TYW1B: variants seen among roughly 807,000 people sequenced by gnomAD.
TYW1B encodes the protein S-adenosyl-L-methionine-dependent tRNA 4-demethylwyosine synthase TYW1B.
In TYW1B, 73 loss-of-function variants were observed where a neutral mutation model predicts 86.9. That is an observed-to-expected ratio of 0.84 (90% confidence interval 0.70 to 1.02). TYW1B has a LOEUF of 1.02. Ranked by LOEUF, TYW1B falls within the 50% of genes least tolerant of loss-of-function variation. The pLI, the probability that TYW1B is intolerant of heterozygous loss-of-function variation, is 0.00. For synonymous variants in TYW1B, 248 were observed against 292.8 expected (o/e 0.85, Z 1.56); for missense variants, 637 against 827.4 (o/e 0.77, Z 2.82).
chr7:72,651,869 A>G (rs1813067839), intron 11 of TYW1B, among the ~76,000 whole-genome samples: 1 of 152,208 alleles, frequency 6.6e-6, no homozygotes, highest in African/African-American at 2.4e-5. Flanking sequence ...CACATGTAAT[A>G]AAAATATTCA....
chr7:72,772,303 A>G (rs1450808313), intron 7 of TYW1B, among the ~76,000 whole-genome samples: 2 of 152,184 alleles, frequency 1.3e-5, no homozygotes, highest in African/African-American at 4.8e-5. Context: ...TGCACTCATC[A>G]ACTACAGAAT....
intron 13 of TYW1B, among the ~76,000 whole-genome samples, chr7:72,609,285 A>C (rs549917555): frequency 6.6e-6 from 1 of 152,248 alleles, no homozygotes; most frequent in Admixed American, 6.5e-5. Context: ...GAGGCTGGGC[A>C]CGGTGGCTCA....
At chr7:72,799,625 C>T (rs1788370580) in intron 6 of TYW1B, among the ~76,000 whole-genome samples, 1 of 152,050 alleles carries the variant, frequency 6.6e-6, no homozygotes, top group Non-Finnish European at 1.5e-5. Context: ...ACCACCACAC[C>T]TGGCTAATTT....
At chr7:72,827,263 C>T (rs1314423670) in intron 1 of TYW1B, among the ~76,000 whole-genome samples, 5 of 152,114 alleles carry the variant, frequency 3.3e-5, no homozygotes, top group African/African-American at 9.7e-5. Context: ...CAAAAATTAG[C>T]CGGGCATGGT....
intron 11 of TYW1B, among the ~76,000 whole-genome samples, chr7:72,658,121 G>C (rs1813247788): frequency 6.6e-6 from 1 of 152,142 alleles, no homozygotes. Context: ...AGCCAGGTGT[G>C]GTGGCGGGCG....
At chr7:72,701,058 C>T (rs1554452447) in intron 10 of TYW1B, among the ~76,000 whole-genome samples, 1 of 149,886 alleles carries the variant, frequency 6.7e-6, no homozygotes, top group African/African-American at 2.5e-5. Flanking sequence ...AGCAAGATTC[C>T]ATCTCAGAAA....
At chr7:72,768,047 C>T (rs1342276207) in intron 7 of TYW1B, among the ~76,000 whole-genome samples, 4 of 152,006 alleles carry the variant, frequency 2.6e-5, no homozygotes, top group Admixed American at 2.0e-4. Flanking sequence ...TCCAAGAGTT[C>T]AAAACCAGCA....
chr7:72,718,434 A>G (rs1270240866), intron 9 of TYW1B, among the ~76,000 whole-genome samples: 1 of 152,184 alleles, frequency 6.6e-6, no homozygotes, highest in African/African-American at 2.4e-5. Flanking sequence ...ACCGATGTAA[A>G]TAACATGCAC....
Position 72,575,504 on chromosome 7 carries a change from T to C in TYW1B, c.2001A>G (p.Gly667=), listed in dbSNP as rs782044293. 8.7e-6 allele frequency: 14 copies of C among 1,607,508 alleles called. No homozygotes were observed. The highest frequency in any genetic ancestry group is 1.7e-4 in the Middle Eastern group (1 of 6,000). The change falls in exon 14 of 14, where the codon GGA becomes GGG. Residue 667 remains glycine (G), a synonymous_variant. Coordinates refer to ENST00000620995, the MANE Select transcript of TYW1B (RefSeq NM_001145440.3). ...ACCTTGAAATCAGATAATCTCAACATCCAGAAATAGCCTTTGATTTGTTCT... is the reference window on the plus strand; with the variant it reads ...ACCTTGAAATCAGATAATCTCAACACCCAGAAATAGCCTTTGATTTGTTCT... ...QRKNKSKAIS[G]C
intron 7 of TYW1B, among the ~76,000 whole-genome samples, chr7:72,770,953 C>CTTTTTTTTTTTT (rs202136569): frequency 1.1e-5 from 1 of 87,482 alleles, no homozygotes; most frequent in African/African-American, 4.5e-5. Flanking sequence ...TATGAATTTC[C>CTTTTTTTTTTTT]TTTTTTTTTT....
At chr7:72,760,609 G>C (rs1323159508) in intron 7 of TYW1B, among the ~76,000 whole-genome samples, 1 of 152,156 alleles carries the variant, frequency 6.6e-6, no homozygotes, top group Non-Finnish European at 1.5e-5. Context: ...AAAGAGAAAG[G>C]AGTGCTCACA....
At chr7:72,655,566 G>A (rs1813181624) in intron 11 of TYW1B, among the ~76,000 whole-genome samples, 1 of 152,080 alleles carries the variant, frequency 6.6e-6, no homozygotes, top group African/African-American at 2.4e-5. Context: ...GATGTGGCCA[G>A]GTCCCCAGCA....
In TYW1B at chr7:72,774,062, C is replaced by CAAA. The variant is rs35480783; in HGVS notation, c.964+3351_964+3353dup. On this transcript the variant is annotated intron_variant, in intron 7 of 13. Coordinates refer to ENST00000620995, the MANE Select transcript of TYW1B (RefSeq NM_001145440.3). ...GGGCAACAAGAGTGAAACTCCATCT[C>CAAA]AAAAAAAAAAAAAAAAAAAGAAACA... Among the ~76,000 whole-genome samples the CAAA allele has an allele frequency of 5.5e-5, 3 of 54,812 alleles. 1 individual carries two copies. Among genetic ancestry groups the CAAA allele is most frequent in the Non-Finnish European group, 1.3e-4 (3 of 23,160 alleles). The allele number at this position is 54,812 out of a possible 152,430, so 36.0% of individuals were successfully genotyped here. A position where few individuals can be genotyped will look rare whatever the true frequency, so the allele number is the denominator to read the frequency against.
intron 8 of TYW1B, among the ~76,000 whole-genome samples, chr7:72,740,724 T>C (rs1427859306): frequency 2.8e-5 from 4 of 141,176 alleles, no homozygotes; most frequent in African/African-American, 7.7e-5. Flanking sequence ...AATCAAAATA[T>C]GCAGTTTTCT....
Position 72,713,749 on chromosome 7 carries a change from C to T in TYW1B, c.1242G>A (p.Lys414=), listed in dbSNP as rs1786723752. 2 of 1,607,630 alleles carry T rather than the reference C, an allele frequency of 1.2e-6. No individual in the cohort carries two copies. The highest frequency in any genetic ancestry group is 1.3e-5 in the African/African-American group (1 of 74,658). The stretch of plus-strand genomic sequence containing the variant: ...CTCCCACGAGGGACAATGCACAGTG[C>T]TTTACCGTCATTCCTTCTTCAAAGC... ...AERFEEGMTV[K]HCALSLVGEP... Residue 414 remains lysine (K), a synonymous_variant, in exon 10 of 14, where the codon AAG becomes AAA. Transcript: ENST00000620995.
chr7:72,641,695 T>C (rs1397671933), intron 11 of TYW1B, among the ~76,000 whole-genome samples: 6 of 152,150 alleles, frequency 3.9e-5, no homozygotes, highest in African/African-American at 7.2e-5. Flanking sequence ...AGGATTTATG[T>C]TGGAGTAATA....
chr7:72,606,834 C>T (rs1326326221), intron 13 of TYW1B, among the ~76,000 whole-genome samples: 1 of 152,148 alleles, frequency 6.6e-6, no homozygotes, highest in Non-Finnish European at 1.5e-5. Flanking sequence ...AACACCCTCT[C>T]ATGCCATCCC....
intron 8 of TYW1B, among the ~76,000 whole-genome samples, chr7:72,729,226 T>C (rs1395480063): frequency 6.6e-6 from 1 of 152,202 alleles, no homozygotes; most frequent in Non-Finnish European, 1.5e-5. Context: ...TAACTATGAA[T>C]GTACACAAAC....
chr7:72,579,278 T>C (rs1373201239), intron 13 of TYW1B, among the ~76,000 whole-genome samples: 1 of 152,198 alleles, frequency 6.6e-6, no homozygotes, highest in Non-Finnish European at 1.5e-5. Flanking sequence ...TCTAAAACTC[T>C]GCTCTGCTTT....
Sources: gnomAD v4.1 joint callset for allele counts (sites outside exome capture counted in the v4.1 genomes callset) on GRCh38, gnomAD v4.1.1 for gene constraint, MANE v1.5 for transcripts, NCBI Gene and HGNC (gene_info 2026-07-23, HGNC 2026-07-21) for gene names.